The following CSMD1 variants were observed in gnomAD, a reference collection of about 807,000 sequenced individuals.
The protein encoded by CSMD1 is CUB and sushi domain-containing protein 1.
A neutral mutation model predicts 417.5 loss-of-function variants in CSMD1; 213 were observed. The ratio of observed to expected loss-of-function variants is 0.51; its 90% CI spans 0.46 to 0.57. The LOEUF (loss-of-function observed/expected upper bound fraction) is 0.57. Among genes scored for constraint, CSMD1 ranks in the 20% least tolerant of loss-of-function variants. The pLI is 0.00. For missense variants in CSMD1, 6,923 were observed against 4,529.7 expected (o/e 1.53, Z -15.17); for synonymous variants, 2,862 against 1,736.8 (o/e 1.65, Z -16.11).
chr8:4,130,057 T>C (rs1803002816), intron 3 of CSMD1, among the ~76,000 whole-genome samples: 1 of 152,148 alleles, frequency 6.6e-6, no homozygotes, highest in Non-Finnish European at 1.5e-5. Context: ...TAGAAGAAAA[T>C]GATCGAACCT....
At chr8:3,514,904 A>G (rs1231944077) in intron 10 of CSMD1, among the ~76,000 whole-genome samples, 2 of 152,186 alleles carry the variant, frequency 1.3e-5, no homozygotes, top group East Asian at 1.9e-4. Flanking sequence ...TATTGTTTAT[A>G]TCTATATGCT....
At chr8:3,567,822 T>C (rs544661553) in intron 10 of CSMD1, among the ~76,000 whole-genome samples, 1 of 152,148 alleles carries the variant, frequency 6.6e-6, no homozygotes, top group Non-Finnish European at 1.5e-5. Context: ...GATCCGTCAC[T>C]ATTTGCTGTA....
chr8:3,657,509 G>A (rs1411977259), intron 7 of CSMD1, among the ~76,000 whole-genome samples: 1 of 152,150 alleles, frequency 6.6e-6, no homozygotes, highest in Non-Finnish European at 1.5e-5. Context: ...GGAATACTAT[G>A]CAGCCATAAA....
At chr8:3,450,779 G>A (rs1302005870) in intron 12 of CSMD1, among the ~76,000 whole-genome samples, 1 of 151,986 alleles carries the variant, frequency 6.6e-6, no homozygotes, top group Non-Finnish European at 1.5e-5. Context: ...AAACATACGT[G>A]TGCATGTGTC....
chr8:4,193,317 T>A (rs1799141735), intron 3 of CSMD1, among the ~76,000 whole-genome samples: 1 of 152,034 alleles, frequency 6.6e-6, no homozygotes, highest in Non-Finnish European at 1.5e-5. Flanking sequence ...AACCTTGCTT[T>A]CAAAGAACGT....
rs151123684 is a variant in CSMD1 at position 4,916,127 on chromosome 8, G to T, written c.85+78205C>A. Among the ~76,000 whole-genome samples the T allele has an allele frequency of 1.0e-3, 154 of 152,324 alleles. 4 individuals carry two copies. In the East Asian group the frequency reaches 0.027, roughly 27 times the overall value. ...GGTGCTTCAGCAGGAGTCTGATGAA[G>T]TCAGGAAGATAACTCAGGGCATAAA... On this transcript the variant is annotated intron_variant, in intron 1 of 69. Transcript: ENST00000635120.
chr8:4,518,768 T>C (rs1803265519), intron 2 of CSMD1, among the ~76,000 whole-genome samples: 1 of 151,696 alleles, frequency 6.6e-6, no homozygotes, highest in East Asian at 1.9e-4. Flanking sequence ...ATTATAATAA[T>C]AATAAAATAA....
At chr8:3,107,092 CCA>C (rs1210540004) in intron 45 of CSMD1, 1 of 156,316 alleles carries the variant, frequency 6.4e-6, no homozygotes, top group Non-Finnish European at 1.4e-5. Context: ...CGTAGTTTGA[CCA>C]GTGGTCTGAA....
At chr8:3,702,889 C>T (rs373785256) in intron 7 of CSMD1, among the ~76,000 whole-genome samples, 3 of 152,282 alleles carry the variant, frequency 2.0e-5, no homozygotes. Flanking sequence ...AAATAATCTA[C>T]TTTCAGAATA....
At chr8:3,909,935 A>G (rs1442186445) in intron 5 of CSMD1, among the ~76,000 whole-genome samples, 1 of 152,150 alleles carries the variant, frequency 6.6e-6, no homozygotes, top group Non-Finnish European at 1.5e-5. Context: ...TTAGACAAGG[A>G]AGAAAAAATG....
At chr8:3,487,422 C>T (rs1402157474) in intron 11 of CSMD1, among the ~76,000 whole-genome samples, 2 of 152,064 alleles carry the variant, frequency 1.3e-5, no homozygotes, top group African/African-American at 2.4e-5. Context: ...AGGATGGTCT[C>T]GTTCTCCTGA....
At chr8:4,144,147 C>T (rs1346996905) in intron 3 of CSMD1, among the ~76,000 whole-genome samples, 1 of 151,028 alleles carries the variant, frequency 6.6e-6, no homozygotes, top group Non-Finnish European at 1.5e-5. Context: ...AGATGTTTCC[C>T]TTCTGATACA....
At chr8:4,968,355 G>C (rs965000755) in intron 1 of CSMD1, among the ~76,000 whole-genome samples, 2 of 151,650 alleles carry the variant, frequency 1.3e-5, no homozygotes, top group African/African-American at 2.4e-5. Flanking sequence ...CACTATCCAC[G>C]TCCAAAACTT....
rs28464260 is a variant in CSMD1 at position 4,039,400 on chromosome 8, C to G, written c.416-7301G>C. 6.0e-3 allele frequency among the ~76,000 whole-genome samples: 911 copies of G among 152,308 alleles called. 13 individuals carry two copies. The highest frequency in any genetic ancestry group is 0.021 in the African/African-American group (859 of 41,556). On this transcript the variant is annotated intron_variant, in intron 3 of 69. Coordinates refer to ENST00000635120, the MANE Select transcript of CSMD1 (RefSeq NM_033225.6). ...TGGCTTTGGGAAGGATTAGAAAAATCTGGTTATATAATTTTCAGGATCACA... is the reference window on the plus strand; with the variant it reads ...TGGCTTTGGGAAGGATTAGAAAAATGTGGTTATATAATTTTCAGGATCACA...
At chr8:3,111,264 G>A (rs192354900) in intron 42 of CSMD1, among the ~76,000 whole-genome samples, 2 of 152,182 alleles carry the variant, frequency 1.3e-5, no homozygotes, top group Admixed American at 1.3e-4. Flanking sequence ...CATGAGGCGG[G>A]ATATGATACA....
At chr8:3,260,509 A>T (rs1800983611) in intron 26 of CSMD1, among the ~76,000 whole-genome samples, 1 of 152,186 alleles carries the variant, frequency 6.6e-6, no homozygotes. Flanking sequence ...CTAATTAAGG[A>T]TAAACATTCC....
At chr8:3,713,310 A>C (rs1801633456) in intron 6 of CSMD1, among the ~76,000 whole-genome samples, 1 of 152,192 alleles carries the variant, frequency 6.6e-6, no homozygotes, top group African/African-American at 2.4e-5. Flanking sequence ...TGAAAATGTG[A>C]CGAAACCATT....
intron 5 of CSMD1, 129 bp from the exon 6 acceptor site, chr8:3,754,171 T>A: frequency 1.8e-6 from 1 of 553,134 alleles, no homozygotes; most frequent in Non-Finnish European, 3.3e-6. Context: ...AGGCCATGTA[T>A]TAATTGACTT....
chr8:3,684,450 A>T (rs1318743526), intron 7 of CSMD1, among the ~76,000 whole-genome samples: 1 of 150,616 alleles, frequency 6.6e-6, no homozygotes, highest in East Asian at 1.9e-4. Flanking sequence ...GTACTTAACA[A>T]TTTTATTTAG....
Sources: allele counts gnomAD v4.1 joint callset (sites outside exome capture counted in the v4.1 genomes callset), GRCh38; gene constraint gnomAD v4.1.1; transcripts MANE v1.5; gene names NCBI Gene and HGNC (gene_info 2026-07-23, HGNC 2026-07-21).